BAIAP3: variants seen among roughly 807,000 people sequenced by gnomAD.
BAIAP3 encodes the protein BAI1 associated protein 3.
BAIAP3 carries 180 observed loss-of-function variants against 149.7 expected under a neutral mutation model. The observed-to-expected ratio is 1.20, with a 90% confidence interval of 1.07 to 1.36. The LOEUF (loss-of-function observed/expected upper bound fraction) is 1.36. Among genes scored for constraint, BAIAP3 ranks in the 40% most tolerant of loss-of-function variants. BAIAP3 has a pLI of 0.00. For missense variants in BAIAP3, 1,767 were observed against 1,563.4 expected, an observed-to-expected ratio of 1.13 and a Z score of -2.20; for synonymous variants, 845 against 670.7, an observed-to-expected ratio of 1.26 and a Z score of -4.02.
At chr16:1,344,400 C>A (rs2141599579) in intron 17 of BAIAP3, 69 bp from the exon 18 acceptor site, 1 of 1,610,132 alleles carries the variant, frequency 6.2e-7, no homozygotes, top group South Asian at 1.1e-5. Flanking sequence ...ACCTCTGCAC[C>A]ACGGTCTCTT....
intron 4 of BAIAP3, 61 bp downstream of exon 4, chr16:1,339,305 A>G: frequency 1.3e-6 from 2 of 1,538,586 alleles, no homozygotes; most frequent in South Asian, 1.2e-5. Context: ...TCAGCCGTTT[A>G]GAGGCACCTA....
intron 5 of BAIAP3, among the ~76,000 whole-genome samples, chr16:1,340,247 AGACGCATACG>A (rs2033818911): frequency 6.9e-6 from 1 of 144,700 alleles, no homozygotes; most frequent in Non-Finnish European, 1.5e-5. Flanking sequence ...AGGTGCACAC[AGACGCATACG>A]CACACAGGCT....
At position 1,348,282 on chromosome 16, in the gene BAIAP3, G is replaced by A; in HGVS notation, c.3336G>A (p.Leu1112=). 1 of 1,600,352 alleles carries A rather than the reference G, an allele frequency of 6.2e-7. No homozygotes were observed. Among genetic ancestry groups the A allele is most frequent in the South Asian group, 1.1e-5 (1 of 90,048 alleles). ...CTGGGCAGCCTGTCACCCTGCACCT[G>A]TGCCGGCCCAGAGCCCAGGGTGAGT... The part of the protein sequence containing the change: ...ARAGQPVTLH[L]CRPRAQVRSA... The change falls in exon 33 of 34, where the codon CTG becomes CTA. Residue 1112 remains leucine (L), a synonymous_variant. Coordinates refer to ENST00000426824, the MANE Select transcript of BAIAP3 (RefSeq NM_001199097.2).
In BAIAP3 at chr16:1,344,093, C is replaced by T; in HGVS notation, c.1458C>T (p.Asp486=). 6.2e-7 allele frequency: 1 copy of T among 1,612,208 alleles called. No homozygotes were observed. The highest frequency in any genetic ancestry group is 8.5e-7 in the Non-Finnish European group (1 of 1,179,894). Residue 486 remains aspartate (D), a synonymous_variant, in exon 16 of 34, where the codon GAC becomes GAT. Transcript: ENST00000426824. ...TGCAGCTGCTGCGCCAGCTCCGAGA[C>T]TACTTCCCTGCCACCAACAGCACCG... ...FGLQLLRQLR[D]YFPATNSTAV... is the part of the protein sequence containing the mutation.
Position 1,341,116 on chromosome 16 carries a change from C to T in BAIAP3, c.469-13C>T. On this transcript the variant is annotated splice_polypyrimidine_tract_variant and intron_variant, in intron 6 of 33. Coordinates refer to ENST00000426824, the MANE Select transcript of BAIAP3 (RefSeq NM_001199097.2). ...TCAGCCTCACCAGGCCCCCCACGCC[C>T]CTCTGTCCACAGGCCCCCACGTATG... The T allele has an allele frequency of 6.2e-7, 1 of 1,611,750 alleles. No individual in the cohort carries two copies. Among genetic ancestry groups the T allele is most frequent in the Non-Finnish European group, 8.5e-7 (1 of 1,179,280 alleles).
intron 1 of BAIAP3, among the ~76,000 whole-genome samples, chr16:1,338,183 C>T (rs900874455): frequency 7.2e-5 from 11 of 152,174 alleles, no homozygotes; most frequent in Middle Eastern, 3.4e-3. Context: ...GCTGTGCTGT[C>T]GCGGGGAGGG....
intron 15 of BAIAP3, 74 bp downstream of exon 15, chr16:1,343,587 CGGCGAGGGGCAGAGT>C (rs1356322781): frequency 5.1e-6 from 8 of 1,561,702 alleles, no homozygotes; most frequent in Non-Finnish European, 6.9e-6. Flanking sequence ...CAGTGCCGGT[CGGCGAGGGGCAGAGT>C]CCTGCCCGCG....
Position 1,347,717 on chromosome 16 carries a change from AC to A in BAIAP3, c.2923del (p.Arg975GlyfsTer5). 6.2e-7 allele frequency: 1 copy of A among 1,610,004 alleles called. No homozygotes were observed. Among genetic ancestry groups the A allele is most frequent in the Non-Finnish European group, 8.5e-7 (1 of 1,177,758 alleles). ...TTTCCGCAGAGGACCCTGGAGCAGA[AC>A]CGGTTTGGACGCCTGAGCGTCCGTT... ...DKLKQRTLEQ[N>X]RFGRLSVRCH... On this transcript the variant is annotated frameshift_variant, in exon 31 of 34. Coordinates refer to ENST00000426824, the MANE Select transcript of BAIAP3 (RefSeq NM_001199097.2). LOFTEE classifies it high-confidence loss of function.
intron 6 of BAIAP3, 73 bp downstream of exon 6, chr16:1,341,054 G>T: frequency 1.9e-6 from 3 of 1,611,316 alleles, no homozygotes; most frequent in Non-Finnish European, 2.5e-6. Context: ...GCAAGGCCCT[G>T]TCACCTCCAT....
In BAIAP3 at chr16:1,338,643, G is replaced by C. The variant is rs757833816; in HGVS notation, c.94G>C (p.Ala32Pro). ...CAGGACTGAGCAGGACCCAGGGAGTGCCAGCGCCGACCCGCAGGAGCCTGC... is the reference window on the plus strand; with the variant it reads ...CAGGACTGAGCAGGACCCAGGGAGTCCCAGCGCCGACCCGCAGGAGCCTGC... ...RRRTEQDPGS[A>P]SADPQEPATG... The change falls in exon 2 of 34, where the codon GCC (alanine) becomes CCC (proline). Residue 32 changes from alanine to proline, a missense_variant. By Grantham distance (27) the Ala-to-Pro change is conservative. Transcript: ENST00000426824. The C allele has an allele frequency of 3.1e-6, 5 of 1,595,290 alleles. No individual in the cohort carries two copies. In the African/African-American group the frequency reaches 6.7e-5, roughly 21 times the overall value.
chr16:1,344,422 C>A, intron 17 of BAIAP3, 47 bp from the exon 18 acceptor site: 1 of 1,612,346 alleles, frequency 6.2e-7, no homozygotes, highest in South Asian at 1.1e-5. Context: ...CCCACCTCTT[C>A]CTCTTCCCTG....
intron 8 of BAIAP3, 69 bp downstream of exon 8, chr16:1,341,558 G>C: frequency 6.5e-7 from 1 of 1,531,604 alleles, no homozygotes; most frequent in African/African-American, 1.4e-5. Flanking sequence ...GCTGTGCCTG[G>C]AGGGTGGTGG....
rs567390621 is a variant in BAIAP3, at chr16:1,343,749, G to A, written c.1386+236G>A. Among the ~76,000 whole-genome samples the A allele has an allele frequency of 5.4e-4, 83 of 152,372 alleles. 1 individual carries two copies. Among genetic ancestry groups the A allele is most frequent in the African/African-American group, 2.0e-3 (82 of 41,590 alleles). On this transcript the variant is annotated intron_variant, in intron 15 of 33. Coordinates refer to ENST00000426824, the MANE Select transcript of BAIAP3 (RefSeq NM_001199097.2). Reference sequence around the variant, plus strand: ...GACAGGGCTGGGGAAAGCCGCCAAGGTGGCGCCCATCTGAGCGACAGGAGG... The same window carrying A: ...GACAGGGCTGGGGAAAGCCGCCAAGATGGCGCCCATCTGAGCGACAGGAGG...
intron 20 of BAIAP3, 31 bp downstream of exon 20, chr16:1,344,880 C>A: frequency 1.2e-6 from 2 of 1,613,668 alleles, no homozygotes; most frequent in Non-Finnish European, 1.7e-6. Context: ...CGGGTGCCTG[C>A]CAGGCATGGG....
chr16:1,338,578 G>C lies in BAIAP3; in HGVS notation c.29G>C (p.Ser10Thr). ...TCGACCTTGCTGGACATTAAGAGCAGCGTGCTCAGGCAGGTGCAGGTGTGC... is the reference window on the plus strand; with the variant it reads ...TCGACCTTGCTGGACATTAAGAGCACCGTGCTCAGGCAGGTGCAGGTGTGC... The part of the protein sequence containing the change: MSTLLDIKS[S>T]VLRQVQVCPS... The change falls in exon 2 of 34, where the codon AGC (serine) becomes ACC (threonine). Residue 10 changes from serine to threonine, a missense_variant. Physicochemically the swap from Ser to Thr is moderately conservative, Grantham distance 58 (BLOSUM62 1). Coordinates refer to ENST00000426824, the MANE Select transcript of BAIAP3 (RefSeq NM_001199097.2). The C allele has an allele frequency of 6.2e-7, 1 of 1,610,040 alleles. No homozygotes were observed. The highest frequency in any genetic ancestry group is 8.5e-7 in the Non-Finnish European group (1 of 1,178,780).
chr16:1,348,434 C>A lies in BAIAP3; in HGVS notation c.3411C>A (p.Phe1137Leu). ...EGRTSKEAQE[F>L]VKKLKELEKC... ...GCACCAGCAAGGAGGCGCAGGAGTT[C>A]GTGAAGAAACTCAAGGAGCTGGAGA... is the stretch of plus-strand genomic sequence containing the variant. Residue 1137 changes from phenylalanine (F) to leucine (L), a missense_variant, in exon 34 of 34, where the codon TTC becomes TTA. Phe to Leu is a conservative substitution (Grantham distance 22). Coordinates refer to ENST00000426824, the MANE Select transcript of BAIAP3 (RefSeq NM_001199097.2). 2.5e-6 allele frequency: 4 copies of A among 1,612,600 alleles called. No individual in the cohort carries two copies. Among genetic ancestry groups the A allele is most frequent in the Non-Finnish European group, 3.4e-6 (4 of 1,179,804 alleles).
chr16:1,346,447 G>A lies in BAIAP3; in HGVS notation c.2499G>A (p.Val833=), dbSNP rs1328616053. 6.2e-7 allele frequency: 1 copy of A among 1,612,450 alleles called. No homozygotes were observed. The change falls in exon 26 of 34, where the codon GTG becomes GTA. Residue 833 remains valine (V), a synonymous_variant. Transcript: ENST00000426824. ...TVTAHLTSKM[V]GDIRKYVQHI... ...AGCACTGCTCCTGCCCTCAGATGGT[G>A]GGCGACATCCGCAAGTATGTACAGC...
chr16:1,344,731 T>C, intron 19 of BAIAP3, 33 bp downstream of exon 19: 1 of 1,591,556 alleles, frequency 6.3e-7, no homozygotes, highest in Non-Finnish European at 8.5e-7. Flanking sequence ...GTCCTGGGGC[T>C]GGGGTCGGAG....
chr16:1,348,692 G>A lies in BAIAP3; in HGVS notation c.*210G>A. The stretch of plus-strand genomic sequence containing the variant: ...ACCCCTGCACCCAACCCCACATCTG[G>A]GTGGCCAACTTGGCAGGACTTGGCC... On this transcript the variant is annotated 3_prime_UTR_variant, in exon 34 of 34. Coordinates refer to ENST00000426824, the MANE Select transcript of BAIAP3 (RefSeq NM_001199097.2). The A allele has an allele frequency of 3.3e-6, 2 of 609,240 alleles. No individual in the cohort carries two copies. The highest frequency in any genetic ancestry group is 3.9e-5 in the South Asian group (2 of 50,820). The allele number at this position is 609,240 out of a possible 1,614,324, so 37.7% of individuals were successfully genotyped here.
Sources: allele counts gnomAD v4.1 joint callset (sites outside exome capture counted in the v4.1 genomes callset), GRCh38; gene constraint gnomAD v4.1.1; transcripts MANE v1.5; gene names NCBI Gene and HGNC (gene_info 2026-07-23, HGNC 2026-07-21).